PARG: variants seen among roughly 807,000 people sequenced by gnomAD.
PARG encodes the protein mitochondrial poly(ADP-ribose) glycohydrolase.
PARG carries 35 observed loss-of-function variants against 113.0 expected under a neutral mutation model. The ratio of observed to expected loss-of-function variants is 0.31; its 90% confidence interval spans 0.24 to 0.41. The LOEUF is 0.41. PARG is among the 10% of genes least tolerant of loss of function. The probability of loss-of-function intolerance (pLI) is 1.00; values close to 1 mark genes in which losing one functional copy is unlikely to be tolerated. For missense variants in PARG, 797 were observed against 1,169.4 expected (o/e 0.68, Z 4.64); for synonymous variants, 330 against 409.9 (o/e 0.81, Z 2.36).
intron 13 of PARG, among the ~76,000 whole-genome samples, chr10:49,848,327 G>A (rs1554833671): frequency 2.7e-5 from 4 of 148,384 alleles, no homozygotes; most frequent in Non-Finnish European, 6.0e-5. Context: ...CCAGCCTGGT[G>A]ACAGAGTGAG....
At chr10:49,849,195 C>A (rs1845647970) in intron 13 of PARG, among the ~76,000 whole-genome samples, 1 of 146,880 alleles carries the variant, frequency 6.8e-6, no homozygotes, top group Non-Finnish European at 1.5e-5. Flanking sequence ...AACTCCGTCT[C>A]AAAAAAAAAG....
chr10:49,827,864 G>T (rs1554829633), intron 16 of PARG, among the ~76,000 whole-genome samples: 2 of 152,016 alleles, frequency 1.3e-5, no homozygotes, highest in Non-Finnish European at 2.9e-5. Context: ...GCCATGAAGA[G>T]AAGTTCAAGA....
intron 7 of PARG, among the ~76,000 whole-genome samples, chr10:49,893,310 A>G (rs4420183): frequency 0.18 from 28,101 of 152,148 alleles, 3,193 homozygotes; most frequent in East Asian, 0.32. Context: ...GCATTTCTCC[A>G]GTGACAAATA....
At chr10:49,868,404 C>T (rs1252096789) in intron 10 of PARG, among the ~76,000 whole-genome samples, 5 of 152,186 alleles carry the variant, frequency 3.3e-5, no homozygotes, top group African/African-American at 4.8e-5. Flanking sequence ...AACTGAAATT[C>T]GATAAGCTAT....
chr10:49,873,579 C>T (rs1361569769), intron 9 of PARG, among the ~76,000 whole-genome samples: 1 of 141,698 alleles, frequency 7.1e-6, no homozygotes, highest in Non-Finnish European at 1.5e-5. Context: ...AGAGGCTTCC[C>T]TACCTAGAAA....
chr10:49,894,162 G>C (rs1309146625), intron 7 of PARG, among the ~76,000 whole-genome samples: 1 of 151,392 alleles, frequency 6.6e-6, no homozygotes, highest in Non-Finnish European at 1.5e-5. Flanking sequence ...GCCTCCCAAG[G>C]AGCTGGGACC....
At chr10:49,891,435 A>G (rs538044677) in intron 7 of PARG, among the ~76,000 whole-genome samples, 14 of 151,464 alleles carry the variant, frequency 9.2e-5, no homozygotes, top group African/African-American at 3.1e-4. Flanking sequence ...ATACTAATAA[A>G]ATTGTGAAAA....
At chr10:49,889,056 A>T in intron 7 of PARG, among the ~76,000 whole-genome samples, 1 of 60,672 alleles carries the variant, frequency 1.6e-5, no homozygotes, top group African/African-American at 7.7e-5. Flanking sequence ...GTTTCTCTGG[A>T]TAGTTTTTTT....
intron 13 of PARG, among the ~76,000 whole-genome samples, chr10:49,844,201 A>C (rs1308274884): frequency 6.6e-6 from 1 of 152,110 alleles, no homozygotes; most frequent in Non-Finnish European, 1.5e-5. Flanking sequence ...AAAAGCATAT[A>C]AGTAAACTTA....
chr10:49,901,066 G>A (rs1264443929), intron 7 of PARG, among the ~76,000 whole-genome samples: 13 of 151,010 alleles, frequency 8.6e-5, no homozygotes, highest in African/African-American at 3.2e-4. Context: ...TAATTAGCAG[G>A]TTTTTTCAAC....
chr10:49,852,559 T>C lies in PARG; in HGVS notation c.2353+4747A>G, dbSNP rs763539018. Among the ~76,000 whole-genome samples, 74 of 145,620 alleles carry C rather than the reference T, an allele frequency of 5.1e-4. 2 individuals carry two copies. Among genetic ancestry groups the C allele is most frequent in the Non-Finnish European group, 8.6e-4 (56 of 65,042 alleles). ...GATGACAATGTACTGGCTACTTTCT[T>C]CTTCTTCTTTTTTTCTTTTTTTTGA... On this transcript the variant is annotated intron_variant, in intron 13 of 17. Coordinates refer to ENST00000616448, the MANE Select transcript of PARG (RefSeq NM_003631.5).
chr10:49,887,388 G>A (rs1443930227), intron 7 of PARG, among the ~76,000 whole-genome samples: 7 of 151,746 alleles, frequency 4.6e-5, no homozygotes, highest in African/African-American at 9.7e-5. Flanking sequence ...TTCTGTAATC[G>A]CCACCAAAAT....
intron 13 of PARG, among the ~76,000 whole-genome samples, chr10:49,845,142 G>A (rs1315493988): frequency 2.0e-5 from 3 of 152,112 alleles, no homozygotes; most frequent in African/African-American, 7.2e-5. Context: ...GAAAACAAGT[G>A]GAAATCTCAT....
intron 13 of PARG, among the ~76,000 whole-genome samples, chr10:49,856,420 T>A (rs1554835056): frequency 6.6e-6 from 1 of 151,968 alleles, no homozygotes; most frequent in African/African-American, 2.4e-5. Context: ...CCTCAGGCCA[T>A]CTGTCTGCCT....
chr10:49,886,938 A>G (rs1391049824), intron 7 of PARG, among the ~76,000 whole-genome samples: 2 of 152,206 alleles, frequency 1.3e-5, no homozygotes, highest in Admixed American at 6.5e-5. Context: ...ACTATTTTAC[A>G]GGTATGCACT....
At chr10:49,895,315 G>A (rs1368740350) in intron 7 of PARG, among the ~76,000 whole-genome samples, 2 of 151,692 alleles carry the variant, frequency 1.3e-5, no homozygotes, top group Non-Finnish European at 1.5e-5. Context: ...GGTCCTTTGT[G>A]TTTCCATATA....
chr10:49,895,076 G>A (rs2132709532), intron 7 of PARG, among the ~76,000 whole-genome samples: 1 of 152,218 alleles, frequency 6.6e-6, no homozygotes, highest in South Asian at 2.1e-4. Context: ...TTGATTTAGG[G>A]TACACCATAA....
intron 13 of PARG, among the ~76,000 whole-genome samples, chr10:49,844,622 CAA>C (rs34659290): frequency 3.0e-4 from 33 of 111,148 alleles, no homozygotes; most frequent in South Asian, 6.3e-4. Flanking sequence ...GACTCCATCT[CAA>C]AAAAAAAAAA....
At chr10:49,843,421 T>C (rs1845342516) in intron 14 of PARG, 133 bp downstream of exon 14, 4 of 672,016 alleles carry the variant, frequency 6.0e-6, no homozygotes, top group Non-Finnish European at 1.1e-5. Flanking sequence ...GAACCTGTAA[T>C]GCTGATTTCT....
Sources: gnomAD v4.1 joint callset for allele counts (sites outside exome capture counted in the v4.1 genomes callset) on GRCh38, gnomAD v4.1.1 for gene constraint, MANE v1.5 for transcripts, NCBI Gene and HGNC (gene_info 2026-07-23, HGNC 2026-07-21) for gene names.